Variants in COL2A1 observed in about 807,000 individuals in gnomAD.
The protein encoded by COL2A1 is collagen type II alpha 1 chain.
Under a neutral mutation model 204.5 loss-of-function variants are expected in COL2A1, and 28 were observed. The observed-to-expected ratio is 0.14, with a 90% confidence interval of 0.10 to 0.19. The LOEUF (loss-of-function observed/expected upper bound fraction) is 0.19, where lower values mean the gene tolerates loss of function less well. Ranked by LOEUF, COL2A1 falls within the 10% of genes least tolerant of loss-of-function variation. COL2A1 has a pLI of 1.00. For synonymous variants in COL2A1, 708 were observed against 718.7 expected (o/e 0.99, Z 0.24); for missense variants, 1,388 against 2,027.5 (o/e 0.68, Z 6.06).
At chr12:47,989,897 C>G in intron 16 of COL2A1, 92 bp from the exon 17 acceptor site, 1 of 1,284,618 alleles carries the variant, frequency 7.8e-7, no homozygotes, top group Non-Finnish European at 1.1e-6. Flanking sequence ...GAAGGACACA[C>G]TGTGCCTGGG....
At chr12:47,998,456 G>C in intron 2 of COL2A1, 25 bp from the exon 3 acceptor site, 1 of 1,608,922 alleles carries the variant, frequency 6.2e-7, no homozygotes. Flanking sequence ...ATATAGAGAA[G>C]AAGAAGGTAA....
Position 47,982,153 on chromosome 12 carries a change from A to G in COL2A1, c.2309T>C (p.Val770Ala). ...GGCTCCCTCAGGGCCTTTCTCACCA[A>G]CGTCACCCTGAGGGAAGAGAAAACC... ...IAGPKGDRGD[V>A]GEKGPEGAPG... Residue 770 changes from valine to alanine, a missense_variant, in exon 35 of 54, where the codon GTT becomes GCT. Around this residue, in one of 3 missense-constraint regions of COL2A1, gnomAD observed 884 missense variants for 1,415.8 expected, o/e 0.62. Coordinates refer to ENST00000380518, the MANE Select transcript of COL2A1 (RefSeq NM_001844.5). The G allele has an allele frequency of 1.2e-6, 2 of 1,613,664 alleles. No individual in the cohort carries two copies. Among genetic ancestry groups the G allele is most frequent in the African/African-American group, 1.3e-5 (1 of 74,936 alleles).
intron 24 of COL2A1, 34 bp from the exon 25 acceptor site, chr12:47,985,860 A>G (rs943142843): frequency 5.7e-6 from 9 of 1,586,288 alleles, no homozygotes; most frequent in Non-Finnish European, 7.7e-6. Flanking sequence ...GTGGGATACC[A>G]TGTGACCTCA....
rs115291873 is a variant in COL2A1, at chr12:47,979,318, G to A, written c.2733+193C>T. On this transcript the variant is annotated intron_variant, in intron 41 of 53. Coordinates refer to ENST00000380518, the MANE Select transcript of COL2A1 (RefSeq NM_001844.5). Reference sequence around the variant, plus strand: ...GCCAGCAGGGCAGCCACCCATTGCTGACAGCAGGGCCACAACCCTGCCCCC... The same window carrying A: ...GCCAGCAGGGCAGCCACCCATTGCTAACAGCAGGGCCACAACCCTGCCCCC... Among the ~76,000 whole-genome samples, 3,729 of 152,234 alleles carry A rather than the reference G, an allele frequency of 0.024. 188 individuals carry two copies. Among genetic ancestry groups the A allele is most frequent in the African/African-American group, 0.084 (3,497 of 41,514 alleles).
intron 22 of COL2A1, 45 bp from the exon 23 acceptor site, chr12:47,986,488 C>A (rs1237540594): frequency 7.7e-7 from 1 of 1,296,372 alleles, no homozygotes; most frequent in Non-Finnish European, 1.1e-6. Flanking sequence ...CTTCACCTGG[C>A]CTTGGAGCAA....
intron 8 of COL2A1, among the ~76,000 whole-genome samples, 165 bp from the exon 9 acceptor site, chr12:47,996,084 A>G (rs934048157): frequency 1.3e-5 from 2 of 151,598 alleles, no homozygotes; most frequent in African/African-American, 4.9e-5. Flanking sequence ...CCCACGCAAC[A>G]CTCTATTTTT....
chr12:48,000,136 G>A lies in COL2A1; in HGVS notation c.86-11C>T, dbSNP rs1940164478. On this transcript the variant is annotated splice_polypyrimidine_tract_variant and intron_variant, in intron 1 of 53. Coordinates refer to ENST00000380518, the MANE Select transcript of COL2A1 (RefSeq NM_001844.5). ...AGCTGCCAGCCTCCTCTGCACCAAG[G>A]GTGGGGAGGGAGAAGCAGAGAGCCA... The A allele has an allele frequency of 6.2e-7, 1 of 1,605,990 alleles. No homozygotes were observed. Among genetic ancestry groups the A allele is most frequent in the African/African-American group, 1.3e-5 (1 of 74,724 alleles).
In COL2A1 at chr12:47,985,045, C is replaced by T; in HGVS notation, c.1783G>A (p.Ala595Thr). 1 of 1,613,974 alleles carries T rather than the reference C, an allele frequency of 6.2e-7. No homozygotes were observed. Among genetic ancestry groups the T allele is most frequent in the Non-Finnish European group, 8.5e-7 (1 of 1,179,984 alleles). Residue 595 changes from alanine to threonine, a missense_variant, in exon 27 of 54, where the codon GCT (alanine) becomes ACT (threonine). Transcript: ENST00000380518. ...CCCATGACACCAGGCTGCCCACGAG[C>T]CCCCTGAGGACCTGGAGGTCCAGGA... Reference protein sequence around the residue: ...GRPGPPGPQGARGQPGVMGFP... With the variant: ...GRPGPPGPQGTRGQPGVMGFP...
Position 47,977,085 on chromosome 12 carries a change from G to A in COL2A1, c.3327+17C>T. On this transcript the variant is annotated intron_variant, in intron 47 of 53. Transcript: ENST00000380518. ...TATCCCTGGTGGGGACTCAGTGCAG[G>A]ACACTTGGATACTCACCTGGATTCC... The A allele has an allele frequency of 1.9e-6, 3 of 1,600,796 alleles. No homozygotes were observed. The highest frequency in any genetic ancestry group is 2.6e-6 in the Non-Finnish European group (3 of 1,174,602).
In COL2A1 at chr12:47,984,986, A is replaced by G; in HGVS notation, c.1833+9T>C. 1.2e-6 allele frequency: 2 copies of G among 1,611,748 alleles called. No homozygotes were observed. Among genetic ancestry groups the G allele is most frequent in the Non-Finnish European group, 1.7e-6 (2 of 1,178,334 alleles). ...ATGGAAGGAAATAGAAGAGCAAATT[A>G]TTACTTACGTTGGCACCTTTGGGGC... On this transcript the variant is annotated intron_variant, in intron 27 of 53. Transcript: ENST00000380518.
intron 30 of COL2A1, 118 bp downstream of exon 30, chr12:47,983,565 G>A (rs754186108): frequency 3.3e-5 from 47 of 1,429,866 alleles, no homozygotes; most frequent in Non-Finnish European, 4.3e-5. Flanking sequence ...TGCAGGGAAG[G>A]CTCGATGCCT....
intron 41 of COL2A1, among the ~76,000 whole-genome samples, chr12:47,979,150 AC>A (rs1169677704): frequency 6.6e-6 from 1 of 151,844 alleles, no homozygotes; most frequent in Non-Finnish European, 1.5e-5. Flanking sequence ...GTTCATCACC[AC>A]TGCTCCCTCC....
Position 47,978,844 on chromosome 12 carries a change from AG to A in COL2A1, c.2734-87del. The A allele has an allele frequency of 7.0e-7, 1 of 1,438,046 alleles. No homozygotes were observed. Among genetic ancestry groups the A allele is most frequent in the South Asian group, 1.2e-5 (1 of 84,854 alleles). The allele number at this position is 1,438,046 out of a possible 1,614,324, so 89.1% of individuals were successfully genotyped here. On this transcript the variant is annotated intron_variant, in intron 41 of 53. Coordinates refer to ENST00000380518, the MANE Select transcript of COL2A1 (RefSeq NM_001844.5). This position sits in a 1 kb window ranked among gnomAD's most constrained non-coding sequence, Gnocchi z 5.5. Reference sequence around the variant, plus strand: ...AAGTCACTGTGGCCTCAGTGACAGCAGTTTCCTCTCTGGGGGCTTCTCTACC... The same window carrying A: ...AAGTCACTGTGGCCTCAGTGACAGCATTTCCTCTCTGGGGGCTTCTCTACC...
chr12:47,998,599 C>G, intron 2 of COL2A1, 168 bp from the exon 3 acceptor site: 1 of 687,212 alleles, frequency 1.5e-6, no homozygotes, highest in East Asian at 2.7e-5. Flanking sequence ...GTGTTAGGGC[C>G]ACTGTGGCCC....
chr12:47,981,738 G>A (rs780036714), intron 36 of COL2A1, 38 bp downstream of exon 36: 11 of 1,545,186 alleles, frequency 7.1e-6, no homozygotes, highest in African/African-American at 1.4e-5. Context: ...GGTGTGACAG[G>A]GAGGCAAGGT....
intron 1 of COL2A1, among the ~76,000 whole-genome samples, chr12:48,003,304 G>GAC (rs1940320563): frequency 6.6e-6 from 1 of 151,694 alleles, no homozygotes; most frequent in South Asian, 2.1e-4. Flanking sequence ...CCCCTTCCCT[G>GAC]ACACACACAT....
chr12:47,996,449 T>C, intron 8 of COL2A1, 99 bp downstream of exon 8: 1 of 1,029,674 alleles, frequency 9.7e-7, no homozygotes, highest in Non-Finnish European at 1.5e-6. Context: ...AGAGCCACTC[T>C]AAGCAATTAT....
At chr12:47,973,655 CCCA>C in intron 53 of COL2A1, 102 bp from the exon 54 acceptor site, 1 of 1,426,242 alleles carries the variant, frequency 7.0e-7, no homozygotes, top group African/African-American at 1.4e-5. Flanking sequence ...AGCATCAGAG[CCCA>C]CAAGGTTGAA....
chr12:48,002,485 G>C (rs1206606886), intron 1 of COL2A1: 1 of 152,162 alleles, frequency 6.6e-6, no homozygotes, highest in Admixed American at 6.6e-5. Context: ...CTCGGATGCA[G>C]AATCACACTC....
Sources: allele counts gnomAD v4.1 joint callset (sites outside exome capture counted in the v4.1 genomes callset), GRCh38; gene constraint gnomAD v4.1.1; regional missense constraint gnomAD v4.1.1; non-coding constraint Gnocchi (gnomAD v3.1); transcripts MANE v1.5; gene names NCBI Gene and HGNC (gene_info 2026-07-23, HGNC 2026-07-21).